The following SLC2A9 variants were observed in gnomAD, a reference collection of about 807,000 sequenced individuals.
SLC2A9 encodes the protein solute carrier family 2 member 9.
Under a neutral mutation model 50.6 loss-of-function variants are expected in SLC2A9, and 39 were observed. The observed-to-expected ratio is 0.77, with a 90% confidence interval of 0.60 to 1.01. The LOEUF is 1.01. Among genes scored for constraint, SLC2A9 ranks in the 50% least tolerant of loss-of-function variants. The probability of loss-of-function intolerance (pLI) is 0.00; values close to 1 mark genes in which losing one functional copy is unlikely to be tolerated. For missense variants in SLC2A9, 686 were observed against 677.6 expected (o/e 1.01, Z -0.14); for synonymous variants, 324 against 276.9 (o/e 1.17, Z -1.69).
At chr4:9,808,247 T>C (rs542855663) in intron 3 of SLC2A9, among the ~76,000 whole-genome samples, 193 of 152,356 alleles carry the variant, frequency 1.3e-3, no homozygotes, top group African/African-American at 4.4e-3. Flanking sequence ...TTGTTTCCAT[T>C]TTGATGAGGT....
chr4:9,771,249 C>G (rs1224770452), exon 2 of SLC2A9: 1 of 371,490 alleles, frequency 2.7e-6, no homozygotes, highest in Non-Finnish European at 4.8e-6. Flanking sequence ...AGTGACAGTG[C>G]AGAAAAAGAA....
At chr4:9,949,422 A>G (rs1487736573) in intron 5 of SLC2A9, among the ~76,000 whole-genome samples, 1 of 152,206 alleles carries the variant, frequency 6.6e-6, no homozygotes, top group Admixed American at 6.5e-5. Context: ...ATGTTGTCCT[A>G]TTAGAGGGCT....
intron 5 of SLC2A9, among the ~76,000 whole-genome samples, chr4:9,958,094 T>C (rs1751614405): frequency 6.6e-6 from 1 of 152,216 alleles, no homozygotes; most frequent in Non-Finnish European, 1.5e-5. Flanking sequence ...ATCAGCAATG[T>C]CAGATGCTAC....
intron 10 of SLC2A9, 112 bp downstream of exon 10, chr4:9,887,455 C>G: frequency 9.8e-7 from 1 of 1,024,700 alleles, no homozygotes; most frequent in Non-Finnish European, 1.4e-6. Flanking sequence ...CATCCCCAGT[C>G]AGGCTTTGCT....
At position 9,850,014 on chromosome 4, in the gene SLC2A9, G is replaced by C. The variant is rs143320748; in HGVS notation, c.1292-15006C>G. ...CTCCCACCGAGAGACCGGGACATCAGGAAGACTGGCACACTCAAGCCACAT... is the reference window on the plus strand; with the variant it reads ...CTCCCACCGAGAGACCGGGACATCACGAAGACTGGCACACTCAAGCCACAT... On this transcript the variant is annotated intron_variant, in intron 10 of 11. Transcript: ENST00000264784. Among the ~76,000 whole-genome samples the C allele has an allele frequency of 8.5e-5, 13 of 152,064 alleles. 1 individual carries two copies. The highest frequency in any genetic ancestry group is 3.4e-3 in the Middle Eastern group (1 of 294).
At chr4:9,881,883 T>C (rs1297118839) in intron 10 of SLC2A9, among the ~76,000 whole-genome samples, 1 of 152,234 alleles carries the variant, frequency 6.6e-6, no homozygotes, top group Non-Finnish European at 1.5e-5. Flanking sequence ...GAAGGTTTCC[T>C]CATCTGCCAG....
chr4:10,020,013 C>G (rs917963052), intron 1 of SLC2A9, among the ~76,000 whole-genome samples: 17 of 151,282 alleles, frequency 1.1e-4, no homozygotes, highest in Non-Finnish European at 2.1e-4. Flanking sequence ...AAGGCACCTT[C>G]TTTGCCATCA....
At position 9,980,730 on chromosome 4, in the gene SLC2A9, G is replaced by A. The variant is rs1010807740; in HGVS notation, c.543C>T (p.Ala181=). 9 of 1,614,062 alleles carry A rather than the reference G, an allele frequency of 5.6e-6. No individual in the cohort carries two copies. The highest frequency in any genetic ancestry group is 2.2e-5 in the East Asian group (1 of 44,890). ...RFIMGIDGGV[A]LSVLPMYLSE... is the part of the protein sequence containing the mutation. ...TAAGGTACATGGGGAGCACACTGAG[G>A]GCGACGCCTGTAGAGAGAAAGCATA... Residue 181 remains alanine (A), a synonymous_variant, in exon 5 of 12, where the codon GCC becomes GCT. Transcript: ENST00000264784.
At chr4:9,962,324 C>T (rs1160158474) in intron 5 of SLC2A9, among the ~76,000 whole-genome samples, 1 of 152,168 alleles carries the variant, frequency 6.6e-6, no homozygotes, top group African/African-American at 2.4e-5. Context: ...ACCGAAATGC[C>T]TGTCAGTGAT....
At position 9,992,311 on chromosome 4, in the gene SLC2A9, T is replaced by C. The variant is rs1039768859; in HGVS notation, c.410+4470A>G. 2.0e-5 allele frequency among the ~76,000 whole-genome samples: 3 copies of C among 152,378 alleles called. 1 individual carries two copies. The South Asian group carries it at 6.2e-4, about 32-fold the overall frequency. On this transcript the variant is annotated intron_variant, in intron 3 of 11. Transcript: ENST00000264784. ...AAGCACTTAATCCAGAGTGTTAGAATGTTATTTGCCAGGATTTTCTAACCT... is the reference window on the plus strand; with the variant it reads ...AAGCACTTAATCCAGAGTGTTAGAACGTTATTTGCCAGGATTTTCTAACCT...
intron 11 of SLC2A9, among the ~76,000 whole-genome samples, chr4:9,826,836 G>T (rs984555225): frequency 5.9e-5 from 9 of 152,072 alleles, no homozygotes; most frequent in African/African-American, 1.4e-4. Flanking sequence ...GCACTTTTTT[G>T]TTGTTGTTGT....
At chr4:9,828,809 T>C (rs775576934) in intron 11 of SLC2A9, among the ~76,000 whole-genome samples, 13 of 152,246 alleles carry the variant, frequency 8.5e-5, no homozygotes, top group Non-Finnish European at 1.8e-4. Flanking sequence ...AGTGTGCAAC[T>C]GCCTGTTTAT....
intron 10 of SLC2A9, among the ~76,000 whole-genome samples, chr4:9,856,446 C>G (rs1730724048): frequency 6.6e-6 from 1 of 152,018 alleles, no homozygotes; most frequent in Admixed American, 6.5e-5. Flanking sequence ...AATGGCTATT[C>G]TTAAAAAGTA....
At chr4:9,820,864 G>A (rs1724301420) in intron 3 of SLC2A9, among the ~76,000 whole-genome samples, 1 of 152,180 alleles carries the variant, frequency 6.6e-6, no homozygotes, top group Non-Finnish European at 1.5e-5. Flanking sequence ...TAATGTGTGT[G>A]AATAGAAACA....
At chr4:9,814,298 A>T (rs1323987962) in intron 3 of SLC2A9, among the ~76,000 whole-genome samples, 1 of 152,248 alleles carries the variant, frequency 6.6e-6, no homozygotes, top group Non-Finnish European at 1.5e-5. Context: ...AGCTATTTTT[A>T]TATTCCAATT....
intron 10 of SLC2A9, among the ~76,000 whole-genome samples, chr4:9,843,087 T>G (rs6449051): frequency 8.6e-5 from 13 of 152,020 alleles, no homozygotes; most frequent in African/African-American, 3.1e-4. Context: ...CAGTCACTCA[T>G]TGAGTGTTAT....
At chr4:9,781,939 G>A (rs1425452107) in intron 3 of SLC2A9, 3 of 1,145,086 alleles carry the variant, frequency 2.6e-6, no homozygotes, top group African/African-American at 1.6e-5. Flanking sequence ...GGCTGAGGGG[G>A]CGCATCCTCG....
chr4:9,903,977 T>G (rs933461782), intron 8 of SLC2A9, among the ~76,000 whole-genome samples: 1 of 148,418 alleles, frequency 6.7e-6, no homozygotes, highest in Admixed American at 6.8e-5. Flanking sequence ...TTATAATATA[T>G]TATGCATATT....
At chr4:10,019,346 C>T in intron 1 of SLC2A9, 1 of 540,578 alleles carries the variant, frequency 1.8e-6, no homozygotes. Context: ...ACGCAGTTTT[C>T]AGCAGCTGCT....
Sources: allele counts gnomAD v4.1 joint callset (sites outside exome capture counted in the v4.1 genomes callset), GRCh38; gene constraint gnomAD v4.1.1; transcripts MANE v1.5; gene names NCBI Gene and HGNC (gene_info 2026-07-23, HGNC 2026-07-21).